ULK4: variants seen among roughly 807,000 people sequenced by gnomAD.
The protein encoded by ULK4 is inactive serine/threonine-protein kinase ULK4.
A neutral mutation model predicts 160.6 loss-of-function variants in ULK4; 133 were observed. The observed-to-expected ratio is 0.83, with a 90% CI of 0.72 to 0.96. The LOEUF (loss-of-function observed/expected upper bound fraction) is 0.96. Ranked by LOEUF, ULK4 falls within the 40% of genes least tolerant of loss-of-function variation. The pLI is 0.00. For synonymous variants in ULK4, 534 were observed against 539.8 expected, an observed-to-expected ratio of 0.99 and a Z score of 0.15; for missense variants, 1,580 against 1,499.5, an observed-to-expected ratio of 1.05 and a Z score of -0.89.
intron 17 of ULK4, among the ~76,000 whole-genome samples, chr3:41,881,474 A>C (rs1697519306): frequency 6.6e-6 from 1 of 152,196 alleles, no homozygotes; most frequent in African/African-American, 2.4e-5. Flanking sequence ...TCACAGCAGG[A>C]ATTAGGTTGG....
At position 41,295,301 on chromosome 3, in the gene ULK4, GGATCACAGAC is replaced by G. The variant is rs1235558961; in HGVS notation, c.3679-45737_3679-45728del. Among the ~76,000 whole-genome samples the G allele has an allele frequency of 4.7e-5, 5 of 105,966 alleles. 1 individual carries two copies. The highest frequency in any genetic ancestry group is 8.7e-5 in the Admixed American group (1 of 11,544). 69.5% of individuals were successfully genotyped at this position (105,966 alleles called of 152,430 possible). On this transcript the variant is annotated intron_variant, in intron 35 of 36. Transcript: ENST00000301831. ...ACTCTCACAAAAATCAACTCAAAAT[GGATCACAGAC>G]CTAAATGTAAAATGCAAGACTTACA...
At chr3:41,776,462 A>G (rs2039627331) in intron 21 of ULK4, among the ~76,000 whole-genome samples, 1 of 150,890 alleles carries the variant, frequency 6.6e-6, no homozygotes. Context: ...ATGTCAACAA[A>G]AAAACTAATT....
At chr3:41,513,078 G>T (rs1194511729) in intron 32 of ULK4, among the ~76,000 whole-genome samples, 1 of 152,128 alleles carries the variant, frequency 6.6e-6, no homozygotes, top group Non-Finnish European at 1.5e-5. Flanking sequence ...ATGGTGCTGG[G>T]ATCACTGGCA....
intron 17 of ULK4, chr3:41,859,573 A>G: frequency 1.9e-6 from 1 of 535,006 alleles, no homozygotes; most frequent in South Asian, 1.4e-5. Flanking sequence ...AGCGAAAGGC[A>G]CCATGAGGCC....
At chr3:41,519,717 T>C (rs2085867194) in intron 32 of ULK4, among the ~76,000 whole-genome samples, 1 of 152,188 alleles carries the variant, frequency 6.6e-6, no homozygotes, top group African/African-American at 2.4e-5. Flanking sequence ...ATTGGTAAAA[T>C]GGGAACTTTA....
intron 35 of ULK4, among the ~76,000 whole-genome samples, chr3:41,348,206 CAAAAAAAA>C (rs1197234650): frequency 1.3e-4 from 3 of 22,964 alleles, no homozygotes; most frequent in Admixed American, 9.5e-4. Flanking sequence ...AACTCTGTCT[CAAAAAAAA>C]AAAAAAAAAA....
In ULK4 at chr3:41,876,400, A is replaced by G. The variant is rs1697303265; in HGVS notation, c.1656+7474T>C. 2.6e-5 allele frequency among the ~76,000 whole-genome samples: 4 copies of G among 152,244 alleles called. No homozygotes were observed. The South Asian group carries it at 8.3e-4, about 31-fold the overall frequency. ...AGAGGAAACTGGTAAATACTTATTTAACATGATTTTATGCCAACACCAAGT... is the reference window on the plus strand; with the variant it reads ...AGAGGAAACTGGTAAATACTTATTTGACATGATTTTATGCCAACACCAAGT... On this transcript the variant is annotated intron_variant, in intron 17 of 36. Coordinates refer to ENST00000301831, the MANE Select transcript of ULK4 (RefSeq NM_017886.4).
At chr3:41,450,451 T>C (rs908472772) in intron 34 of ULK4, among the ~76,000 whole-genome samples, 1 of 152,194 alleles carries the variant, frequency 6.6e-6, no homozygotes, top group African/African-American at 2.4e-5. Context: ...TCTCCTACAG[T>C]GTATATTATA....
chr3:41,802,652 A>T (rs2040496351), intron 19 of ULK4, among the ~76,000 whole-genome samples: 1 of 152,160 alleles, frequency 6.6e-6, no homozygotes, highest in Non-Finnish European at 1.5e-5. Flanking sequence ...GCTTTATAAC[A>T]TATGTAGACA....
At chr3:41,554,719 T>C (rs542350674) in intron 32 of ULK4, among the ~76,000 whole-genome samples, 8 of 152,218 alleles carry the variant, frequency 5.3e-5, no homozygotes, top group South Asian at 4.1e-4. Context: ...TTTGAAATGT[T>C]CCCAACACAA....
intron 6 of ULK4, among the ~76,000 whole-genome samples, 167 bp from the exon 7 acceptor site, chr3:41,918,707 C>T (rs1018364285): frequency 4.7e-5 from 7 of 150,280 alleles, no homozygotes; most frequent in Non-Finnish European, 7.4e-5. Context: ...GTTCAGGCCA[C>T]TCTCCTGCTT....
chr3:41,656,513 A>G (rs990374189), intron 30 of ULK4, among the ~76,000 whole-genome samples: 1 of 152,216 alleles, frequency 6.6e-6, no homozygotes, highest in Non-Finnish European at 1.5e-5. Context: ...GCATCCTTAG[A>G]GTAAGAACTT....
At chr3:41,513,852 C>T (rs540023538) in intron 32 of ULK4, among the ~76,000 whole-genome samples, 11 of 152,062 alleles carry the variant, frequency 7.2e-5, no homozygotes, top group Admixed American at 4.6e-4. Context: ...GACTACACAC[C>T]GGGTACAGTG....
intron 22 of ULK4, among the ~76,000 whole-genome samples, chr3:41,753,446 C>T (rs1018399621): frequency 1.3e-5 from 2 of 152,190 alleles, no homozygotes; most frequent in African/African-American, 4.8e-5. Flanking sequence ...ACTGTCAGGT[C>T]TCCTCTGGGC....
rs1559631682 is a variant in ULK4 at position 41,890,727 on chromosome 3, AGGGAAGGAAGGGACAGGAGGGACG to A, written c.1577+4767_1577+4790del. ...GGAAGGAAGGGACAGGAGGGACGGG[AGGGAAGGAAGGGACAGGAGGGACG>A]GGAGGGACGGGAGGGACGGGAGGGA... is the stretch of plus-strand genomic sequence containing the variant. On this transcript the variant is annotated intron_variant, in intron 16 of 36. Coordinates refer to ENST00000301831, the MANE Select transcript of ULK4 (RefSeq NM_017886.4). 3.1e-4 allele frequency among the ~76,000 whole-genome samples: 20 copies of A among 63,640 alleles called. No individual in the cohort carries two copies. In the East Asian group the frequency reaches 0.011, roughly 36 times the overall value. 41.8% of individuals were successfully genotyped at this position (63,640 alleles called of 152,430 possible).
At chr3:41,524,482 G>A (rs1182644294) in intron 32 of ULK4, among the ~76,000 whole-genome samples, 1 of 152,180 alleles carries the variant, frequency 6.6e-6, no homozygotes, top group Non-Finnish European at 1.5e-5. Flanking sequence ...AGAAAGTAAA[G>A]AGGAAACCAG....
At chr3:41,838,402 C>T (rs1342921881) in intron 17 of ULK4, among the ~76,000 whole-genome samples, 1 of 152,082 alleles carries the variant, frequency 6.6e-6, no homozygotes, top group African/African-American at 2.4e-5. Flanking sequence ...ATTTTCTACA[C>T]TTCAACTAGT....
intron 30 of ULK4, among the ~76,000 whole-genome samples, chr3:41,648,478 A>G (rs905491873): frequency 6.6e-6 from 1 of 152,232 alleles, no homozygotes; most frequent in Non-Finnish European, 1.5e-5. Context: ...TAAATATTCT[A>G]AAAATAGCAG....
intron 35 of ULK4, among the ~76,000 whole-genome samples, chr3:41,288,214 T>TA (rs1163543853): frequency 1.7e-4 from 26 of 151,294 alleles, no homozygotes; most frequent in East Asian, 1.9e-4. Flanking sequence ...CTGTGACCAT[T>TA]AAAAAAAAAT....
Sources: allele counts gnomAD v4.1 joint callset (sites outside exome capture counted in the v4.1 genomes callset), GRCh38; gene constraint gnomAD v4.1.1; transcripts MANE v1.5; gene names NCBI Gene and HGNC (gene_info 2026-07-23, HGNC 2026-07-21).